The following MGAT4C variants were observed in gnomAD, a reference collection of about 807,000 sequenced individuals.
The protein encoded by MGAT4C is MGAT4 family member C.
Under a neutral mutation model 40.1 loss-of-function variants are expected in MGAT4C, and 19 were observed. The ratio of observed to expected loss-of-function variants is 0.47; its 90% CI spans 0.33 to 0.70. The LOEUF (loss-of-function observed/expected upper bound fraction) is 0.70. MGAT4C is among the 30% of genes least tolerant of loss of function. MGAT4C has a pLI of 0.02. For missense variants in MGAT4C, 491 were observed against 563.2 expected, an observed-to-expected ratio of 0.87 and a Z score of 1.30; for synonymous variants, 181 against 187.1, an observed-to-expected ratio of 0.97 and a Z score of 0.27.
chr12:86,350,711 A>G (rs1408454436), intron 3 of MGAT4C, among the ~76,000 whole-genome samples: 1 of 152,190 alleles, frequency 6.6e-6, no homozygotes, highest in Non-Finnish European at 1.5e-5. Context: ...ATATTCAGAA[A>G]TCAATTTGCA....
At position 85,995,695 on chromosome 12, in the gene MGAT4C, C is replaced by T. The variant is rs146322118; in HGVS notation, c.-6-6143G>A. On this transcript the variant is annotated intron_variant, in intron 2 of 4. Coordinates refer to ENST00000611864, the MANE Select transcript of MGAT4C (RefSeq NM_001351288.2). ...CCACCCTGGGCAACATAGTGAGACC[C>T]CATCTTTACAAAATATAAGAAAACT... is the stretch of plus-strand genomic sequence containing the variant. Among the ~76,000 whole-genome samples, 369 of 152,152 alleles carry T rather than the reference C, an allele frequency of 2.4e-3. 1 individual carries two copies. Among genetic ancestry groups the T allele is most frequent in the African/African-American group, 8.6e-3 (356 of 41,512 alleles).
intron 1 of MGAT4C, among the ~76,000 whole-genome samples, chr12:86,746,308 A>G (rs1308066214): frequency 1.3e-5 from 2 of 151,634 alleles, no homozygotes; most frequent in Non-Finnish European, 3.0e-5. Context: ...GGGGCCTTAA[A>G]ACCCTTTAAA....
At chr12:86,530,888 G>T (rs1005167363) in intron 2 of MGAT4C, among the ~76,000 whole-genome samples, 2 of 151,998 alleles carry the variant, frequency 1.3e-5, no homozygotes, top group Admixed American at 1.3e-4. Flanking sequence ...TATACACTAT[G>T]TACAGCAAAT....
At chr12:86,519,605 G>A (rs1228134579) in intron 2 of MGAT4C, among the ~76,000 whole-genome samples, 1 of 152,010 alleles carries the variant, frequency 6.6e-6, no homozygotes, top group Middle Eastern at 3.4e-3. Flanking sequence ...TTTTAACTGG[G>A]GTGTAATGAT....
chr12:86,767,570 G>C lies in MGAT4C; in HGVS notation c.-261-40329C>G, dbSNP rs757694440. On this transcript the variant is annotated intron_variant, in intron 1 of 7. Coordinates refer to the MGAT4C transcript ENST00000548651. The stretch of plus-strand genomic sequence containing the variant: ...TGGGCAGAGACACAACCAAAAAAGA[G>C]AATTTGAGACCAATATCCTTGATGA... Among the ~76,000 whole-genome samples, 19 of 152,150 alleles carry C rather than the reference G, an allele frequency of 1.2e-4. 1 individual carries two copies. The Middle Eastern group carries it at 0.02, about 163-fold the overall frequency.
chr12:86,327,437 G>A (rs2136169463), intron 4 of MGAT4C, among the ~76,000 whole-genome samples: 1 of 152,006 alleles, frequency 6.6e-6, no homozygotes, highest in Non-Finnish European at 1.5e-5. Context: ...TCACCACCCT[G>A]CTAACTTTTG....
intron 1 of MGAT4C, among the ~76,000 whole-genome samples, chr12:86,051,851 T>C (rs1892926407): frequency 6.6e-6 from 1 of 151,500 alleles, no homozygotes; most frequent in African/African-American, 2.4e-5. Context: ...TTCTGAAGCA[T>C]TATTGTTAAA....
At position 86,287,843 on chromosome 12, in the gene MGAT4C, A is replaced by G. The variant is rs144008847; in HGVS notation, c.-57+46222T>C. Among the ~76,000 whole-genome samples the G allele has an allele frequency of 2.4e-3, 367 of 152,350 alleles. 1 individual carries two copies. Among genetic ancestry groups the G allele is most frequent in the African/African-American group, 8.2e-3 (341 of 41,586 alleles). On this transcript the variant is annotated intron_variant, in intron 4 of 7. Transcript: ENST00000548651. ...ATGTGTCCTTATAGTAGAATGATTTATAATCCTTTGGGTATATACCCAGTA... is the reference window on the plus strand; with the variant it reads ...ATGTGTCCTTATAGTAGAATGATTTGTAATCCTTTGGGTATATACCCAGTA...
chr12:86,199,793 A>G (rs976437718), intron 1 of MGAT4C, among the ~76,000 whole-genome samples: 2 of 152,166 alleles, frequency 1.3e-5, no homozygotes, highest in African/African-American at 4.8e-5. Context: ...CACTAATGCC[A>G]TATCAAAGAG....
At chr12:86,591,827 G>A (rs10745427) in intron 2 of MGAT4C, among the ~76,000 whole-genome samples, 128,985 of 151,548 alleles carry the variant, frequency 0.85, 55,417 homozygotes, top group East Asian at 0.96. Flanking sequence ...TTTTTCTGGT[G>A]ATCCAAATTG....
Position 85,963,469 on chromosome 12 carries a change from G to T in MGAT4C, c.*15820C>A, listed in dbSNP as rs1676684017. On this transcript the variant is annotated 3_prime_UTR_variant, in exon 5 of 5. Transcript: ENST00000611864. Reference sequence around the variant, plus strand: ...ATACACACAGACACACACAGAGTTTGCTTATAAGCTCAGGAAGCTTAAAGA... The same window carrying T: ...ATACACACAGACACACACAGAGTTTTCTTATAAGCTCAGGAAGCTTAAAGA... 6.6e-6 allele frequency: 1 copy of T among 151,894 alleles called. No individual in the cohort carries two copies. Among genetic ancestry groups the T allele is most frequent in the Admixed American group, 6.6e-5 (1 of 15,236 alleles). The allele number at this position is 151,894 out of a possible 1,614,324, so 9.4% of individuals were successfully genotyped here. A position where few individuals can be genotyped will look rare whatever the true frequency, so the allele number is the denominator to read the frequency against.
At chr12:86,100,556 A>C (rs1874790766) in intron 1 of MGAT4C, among the ~76,000 whole-genome samples, 1 of 151,524 alleles carries the variant, frequency 6.6e-6, no homozygotes, top group South Asian at 2.1e-4. Flanking sequence ...TTAATTAAAA[A>C]AATATAATGT....
chr12:86,578,532 C>T (rs1960652169), intron 2 of MGAT4C, among the ~76,000 whole-genome samples: 1 of 151,706 alleles, frequency 6.6e-6, no homozygotes, highest in Non-Finnish European at 1.5e-5. Flanking sequence ...TTTATTACAG[C>T]TTTGACCTTG....
intron 2 of MGAT4C, among the ~76,000 whole-genome samples, chr12:86,012,099 A>G (rs1330029579): frequency 6.6e-6 from 1 of 152,220 alleles, no homozygotes; most frequent in Non-Finnish European, 1.5e-5. Context: ...AACTCATATT[A>G]TATTATCATG....
At chr12:86,651,233 A>G (rs968659525) in intron 2 of MGAT4C, among the ~76,000 whole-genome samples, 1 of 151,894 alleles carries the variant, frequency 6.6e-6, no homozygotes, top group Non-Finnish European at 1.5e-5. Flanking sequence ...ATTCTTCTTC[A>G]TGGTATATTA....
At chr12:86,246,009 C>T (rs1952009416) in intron 1 of MGAT4C, among the ~76,000 whole-genome samples, 1 of 151,896 alleles carries the variant, frequency 6.6e-6, no homozygotes. Context: ...ATTAATTGTA[C>T]ATTCATATTT....
intron 2 of MGAT4C, among the ~76,000 whole-genome samples, chr12:86,516,130 A>T (rs1208414046): frequency 6.6e-6 from 1 of 152,144 alleles, no homozygotes; most frequent in Admixed American, 6.5e-5. Flanking sequence ...ACATAGAAAC[A>T]CAAGGGACCC....
intron 1 of MGAT4C, among the ~76,000 whole-genome samples, chr12:86,234,277 C>G (rs1439239664): frequency 6.6e-6 from 1 of 151,936 alleles, no homozygotes; most frequent in Admixed American, 6.6e-5. Context: ...TAATGTAGAG[C>G]CAGCATTTGG....
chr12:86,435,616 T>A (rs1957122421), intron 2 of MGAT4C, among the ~76,000 whole-genome samples: 1 of 151,940 alleles, frequency 6.6e-6, no homozygotes, highest in Non-Finnish European at 1.5e-5. Flanking sequence ...GTCAGGCCAG[T>A]ATTTATGTAC....
Sources: allele counts gnomAD v4.1 joint callset (sites outside exome capture counted in the v4.1 genomes callset), GRCh38; gene constraint gnomAD v4.1.1; transcripts MANE v1.5; gene names NCBI Gene and HGNC (gene_info 2026-07-23, HGNC 2026-07-21).